The following VEGFC variants were observed in gnomAD, a reference collection of about 807,000 sequenced individuals.
VEGFC encodes FLT4 ligand DHM.
VEGFC carries 12 observed loss-of-function variants against 46.1 expected under a neutral mutation model. The observed-to-expected ratio is 0.26, with a 90% CI of 0.17 to 0.42. The LOEUF is 0.42. Among genes scored for constraint, VEGFC ranks in the 10% least tolerant of loss-of-function variants. The probability of loss-of-function intolerance (pLI) is 1.00; values close to 1 mark genes in which losing one functional copy is unlikely to be tolerated. For synonymous variants in VEGFC, 232 were observed against 195.5 expected, an observed-to-expected ratio of 1.19 and a Z score of -1.56; for missense variants, 488 against 529.4, an observed-to-expected ratio of 0.92 and a Z score of 0.77.
chr4:176,753,103 A>G (rs1735367487), intron 1 of VEGFC, among the ~76,000 whole-genome samples: 1 of 152,038 alleles, frequency 6.6e-6, no homozygotes, highest in South Asian at 2.1e-4. Flanking sequence ...TCCTGCTGAA[A>G]CAGTCAGTGA....
At chr4:176,766,036 A>T (rs1171973045) in intron 1 of VEGFC, among the ~76,000 whole-genome samples, 1 of 152,164 alleles carries the variant, frequency 6.6e-6, no homozygotes, top group East Asian at 1.9e-4. Context: ...AAATGCAAAA[A>T]CAAATATCCT....
At chr4:176,698,134 TAATAAA>T (rs1264433250) in intron 4 of VEGFC, among the ~76,000 whole-genome samples, 6 of 150,742 alleles carry the variant, frequency 4.0e-5, no homozygotes, top group South Asian at 2.1e-4. Context: ...TAAAGTATAA[TAATAAA>T]AATAAAAATA....
chr4:176,696,549 G>T (rs996428103), intron 4 of VEGFC, among the ~76,000 whole-genome samples: 1 of 149,868 alleles, frequency 6.7e-6, no homozygotes, highest in Admixed American at 6.7e-5. Flanking sequence ...CGTGAAAATG[G>T]CCATACTGCC....
At chr4:176,704,876 A>G (rs577155383) in intron 4 of VEGFC, among the ~76,000 whole-genome samples, 42 of 151,948 alleles carry the variant, frequency 2.8e-4, no homozygotes, top group African/African-American at 9.4e-4. Flanking sequence ...TCCTCACCAC[A>G]CTGATTTCAC....
intron 4 of VEGFC, among the ~76,000 whole-genome samples, chr4:176,693,879 G>A (rs1734257118): frequency 6.6e-6 from 1 of 151,154 alleles, no homozygotes; most frequent in Non-Finnish European, 1.5e-5. Context: ...GCCAAAATAA[G>A]CTTCATATAA....
Position 176,792,336 on chromosome 4 carries a change from C to G in VEGFC, c.-25G>C. 1 of 1,461,710 alleles carries G rather than the reference C, an allele frequency of 6.8e-7. No individual in the cohort carries two copies. 90.5% of individuals were successfully genotyped at this position (1,461,710 alleles called of 1,614,324 possible). On this transcript the variant is annotated 5_prime_UTR_variant, in exon 1 of 7. Transcript: ENST00000618562. The surrounding 1 kb of genome is among the most constrained non-coding windows in gnomAD (Gnocchi z 6.3). The stretch of plus-strand genomic sequence containing the variant: ...TGGTGGAAGGACCGGGGGTGGGGGA[C>G]CGGTCCGCTGGCGGGGGCAGGGGTG...
At chr4:176,714,938 G>A (rs1408314514) in intron 3 of VEGFC, among the ~76,000 whole-genome samples, 1 of 152,162 alleles carries the variant, frequency 6.6e-6, no homozygotes, top group Admixed American at 6.5e-5. Context: ...AAGGCTGCAA[G>A]AAATGTGTTT....
chr4:176,703,662 AG>A (rs1734474679), intron 4 of VEGFC, among the ~76,000 whole-genome samples: 1 of 152,180 alleles, frequency 6.6e-6, no homozygotes, highest in Non-Finnish European at 1.5e-5. Context: ...TAAATGTTTG[AG>A]GTGATGGATA....
intron 6 of VEGFC, among the ~76,000 whole-genome samples, chr4:176,685,162 G>A (rs1328553788): frequency 1.3e-5 from 2 of 152,140 alleles, no homozygotes; most frequent in African/African-American, 2.4e-5. Flanking sequence ...ACACAATTTG[G>A]TTTTGACATT....
At chr4:176,695,723 A>G (rs1404658532) in intron 4 of VEGFC, among the ~76,000 whole-genome samples, 1 of 151,914 alleles carries the variant, frequency 6.6e-6, no homozygotes, top group Middle Eastern at 3.2e-3. Flanking sequence ...TGATGCAAAA[A>G]TCCTCAATAA....
At chr4:176,760,209 G>A (rs1352240001) in intron 1 of VEGFC, among the ~76,000 whole-genome samples, 1 of 152,096 alleles carries the variant, frequency 6.6e-6, no homozygotes, top group Non-Finnish European at 1.5e-5. Flanking sequence ...AGTTTTAATG[G>A]TGATAGTACA....
chr4:176,781,947 G>A (rs911467067), intron 1 of VEGFC, among the ~76,000 whole-genome samples: 3 of 152,198 alleles, frequency 2.0e-5, no homozygotes, highest in African/African-American at 7.2e-5. Context: ...AGTGCTGCCT[G>A]TCTCAGAGTG....
chr4:176,686,485 T>A (rs1368788776), intron 6 of VEGFC, among the ~76,000 whole-genome samples: 3 of 152,122 alleles, frequency 2.0e-5, no homozygotes, highest in Admixed American at 6.6e-5. Context: ...GATGTTCAAG[T>A]TACAGAAGAA....
chr4:176,790,595 C>T (rs1049164031), intron 1 of VEGFC, among the ~76,000 whole-genome samples: 1 of 152,144 alleles, frequency 6.6e-6, no homozygotes, highest in African/African-American at 2.4e-5. Flanking sequence ...GAGTGACTCT[C>T]ATACAGGCTA....
chr4:176,735,135 C>T (rs1239658425), intron 1 of VEGFC, among the ~76,000 whole-genome samples: 1 of 151,860 alleles, frequency 6.6e-6, no homozygotes, highest in Non-Finnish European at 1.5e-5. Flanking sequence ...TCCTACATCA[C>T]TTTCTAACTG....
intron 4 of VEGFC, among the ~76,000 whole-genome samples, chr4:176,690,026 G>C (rs1049932942): frequency 1.3e-5 from 2 of 152,086 alleles, no homozygotes; most frequent in Non-Finnish European, 2.9e-5. Context: ...TTTGGGAATA[G>C]ATTACTGATC....
chr4:176,716,583 C>T (rs1265787925), intron 3 of VEGFC, among the ~76,000 whole-genome samples: 10 of 79,260 alleles, frequency 1.3e-4, no homozygotes, highest in South Asian at 4.3e-4. Context: ...ACTCCCTCTC[C>T]GAAAAAAAAA....
At chr4:176,785,363 T>C (rs1209622246) in intron 1 of VEGFC, among the ~76,000 whole-genome samples, 1 of 152,230 alleles carries the variant, frequency 6.6e-6, no homozygotes, top group Non-Finnish European at 1.5e-5. Flanking sequence ...GTGAGTCTTT[T>C]AAACTTGTAA....
intron 3 of VEGFC, among the ~76,000 whole-genome samples, chr4:176,721,917 C>T (rs116409636): frequency 0.024 from 3,652 of 152,150 alleles, 61 homozygotes; most frequent in Middle Eastern, 0.11. Context: ...GAGTTACAGT[C>T]TGCAGAGAAG....
Sources: gnomAD v4.1 joint callset for allele counts (sites outside exome capture counted in the v4.1 genomes callset) on GRCh38, gnomAD v4.1.1 for gene constraint, Gnocchi (gnomAD v3.1) non-coding constraint, MANE v1.5 for transcripts, NCBI Gene and HGNC (gene_info 2026-07-23, HGNC 2026-07-21) for gene names.